The following ABCA12 variants were observed in gnomAD, a reference collection of about 807,000 sequenced individuals.
ABCA12 encodes the protein glucosylceramide transporter ABCA12.
ABCA12 carries 156 observed loss-of-function variants against 293.5 expected under a neutral mutation model. The observed-to-expected ratio is 0.53, with a 90% CI of 0.47 to 0.61. The LOEUF (loss-of-function observed/expected upper bound fraction) is 0.61. Among genes scored for constraint, ABCA12 ranks in the 20% least tolerant of loss-of-function variants. The probability of loss-of-function intolerance (pLI) is 0.00; values close to 1 mark genes in which losing one functional copy is unlikely to be tolerated. For synonymous variants in ABCA12, 1,063 were observed against 1,108.0 expected, an observed-to-expected ratio of 0.96 and a Z score of 0.81; for missense variants, 2,797 against 3,090.2, an observed-to-expected ratio of 0.91 and a Z score of 2.25.
At chr2:215,009,058 A>C (rs1011630054) in intron 18 of ABCA12, among the ~76,000 whole-genome samples, 1 of 152,200 alleles carries the variant, frequency 6.6e-6, no homozygotes, top group Non-Finnish European at 1.5e-5. Flanking sequence ...ACAACAGCAA[A>C]GACACTGAAT....
chr2:214,938,742 G>A (rs541953987), intron 50 of ABCA12, among the ~76,000 whole-genome samples: 38 of 152,248 alleles, frequency 2.5e-4, no homozygotes, highest in African/African-American at 8.7e-4. Flanking sequence ...ATGTTTGTTG[G>A]CAGCATAAAT....
At chr2:214,992,588 A>G (rs1255519260) in intron 23 of ABCA12, among the ~76,000 whole-genome samples, 2 of 131,350 alleles carry the variant, frequency 1.5e-5, no homozygotes, top group Non-Finnish European at 3.1e-5. Context: ...CTGGCCGGGC[A>G]CAGTGACTCA....
intron 39 of ABCA12, among the ~76,000 whole-genome samples, chr2:214,961,226 TC>T (rs1699103515): frequency 6.6e-6 from 1 of 152,094 alleles, no homozygotes; most frequent in African/African-American, 2.4e-5. Context: ...ACTTACCACT[TC>T]CGTAAGTCTA....
chr2:215,112,024 C>T (rs1335834902), intron 1 of ABCA12, among the ~76,000 whole-genome samples: 1 of 152,060 alleles, frequency 6.6e-6, no homozygotes, highest in African/African-American at 2.4e-5. Flanking sequence ...TAGAGTTTCC[C>T]ACTTCCCTAT....
chr2:215,043,027 A>G (rs1575005754), intron 7 of ABCA12, among the ~76,000 whole-genome samples: 1 of 151,996 alleles, frequency 6.6e-6, no homozygotes, highest in Admixed American at 6.6e-5. Flanking sequence ...TTACATTCCC[A>G]CCAAGAGTGT....
chr2:215,096,238 C>T (rs573869839), intron 2 of ABCA12, among the ~76,000 whole-genome samples: 178 of 152,268 alleles, frequency 1.2e-3, no homozygotes, highest in African/African-American at 4.1e-3. Flanking sequence ...TCTTATTTTA[C>T]TCCCCAACAA....
intron 50 of ABCA12, among the ~76,000 whole-genome samples, chr2:214,938,102 C>T (rs983555382): frequency 6.6e-6 from 1 of 151,998 alleles, no homozygotes; most frequent in Non-Finnish European, 1.5e-5. Context: ...CTATCCCTCC[C>T]CTAGCCCCCC....
chr2:215,109,141 C>T, intron 2 of ABCA12, among the ~76,000 whole-genome samples: 1 of 151,486 alleles, frequency 6.6e-6, no homozygotes, highest in Non-Finnish European at 1.5e-5. Flanking sequence ...CTCTATAGCA[C>T]CTCTGATTAC....
At chr2:215,043,574 TG>T (rs1272294073) in intron 7 of ABCA12, among the ~76,000 whole-genome samples, 2 of 117,370 alleles carry the variant, frequency 1.7e-5, no homozygotes, top group African/African-American at 1.7e-4. Context: ...GTGGAATTTT[TG>T]TTGTTGTTGT....
chr2:215,019,881 A>G (rs750710310), intron 11 of ABCA12, 85 bp from the exon 12 acceptor site: 3 of 1,516,752 alleles, frequency 2.0e-6, no homozygotes, highest in Non-Finnish European at 2.7e-6. Flanking sequence ...ACCACAATTG[A>G]TTTCCTTTAA....
chr2:214,942,076 G>C (rs544491564), intron 50 of ABCA12, among the ~76,000 whole-genome samples: 1 of 152,028 alleles, frequency 6.6e-6, no homozygotes, highest in Admixed American at 6.6e-5. Context: ...CAATACACTT[G>C]TAAAGTTAAA....
At chr2:214,952,816 A>G (rs770468696) in intron 44 of ABCA12, among the ~76,000 whole-genome samples, 4 of 152,204 alleles carry the variant, frequency 2.6e-5, no homozygotes, top group Non-Finnish European at 5.9e-5. Flanking sequence ...CTACTTTTTC[A>G]TTACATTTAT....
intron 1 of ABCA12, among the ~76,000 whole-genome samples, chr2:215,126,027 G>GT (rs1702913591): frequency 6.6e-6 from 1 of 152,114 alleles, no homozygotes. Context: ...TTTGTCAAAT[G>GT]TTTTTTCTGC....
intron 2 of ABCA12, among the ~76,000 whole-genome samples, chr2:215,095,187 G>A (rs1702225500): frequency 6.6e-6 from 1 of 152,034 alleles, no homozygotes; most frequent in Admixed American, 6.5e-5. Context: ...GAAGAGTGTT[G>A]TTTTTACCTA....
At chr2:215,129,388 G>T in intron 1 of ABCA12, among the ~76,000 whole-genome samples, 1 of 152,104 alleles carries the variant, frequency 6.6e-6, no homozygotes, top group Non-Finnish European at 1.5e-5. Context: ...GAGTTGCCGC[G>T]GGCTCCACTC....
At chr2:214,977,878 T>C (rs1227963335) in intron 33 of ABCA12, among the ~76,000 whole-genome samples, 3 of 115,558 alleles carry the variant, frequency 2.6e-5, no homozygotes, top group African/African-American at 3.0e-5. Context: ...TCCTTTTTTT[T>C]CCTTTTTTTT....
intron 50 of ABCA12, among the ~76,000 whole-genome samples, chr2:214,939,489 A>C (rs1001033860): frequency 6.6e-6 from 1 of 152,168 alleles, no homozygotes; most frequent in African/African-American, 2.4e-5. Flanking sequence ...AGTTTTTTCT[A>C]ATTCTGTGAA....
chr2:215,134,599 C>CTATA lies in ABCA12; in HGVS notation c.69+3537_69+3540dup, dbSNP rs1161603641. Among the ~76,000 whole-genome samples, 90 of 85,266 alleles carry CTATA rather than the reference C, an allele frequency of 1.1e-3. 3 individuals carry two copies. The highest frequency in any genetic ancestry group is 6.1e-3 in the African/African-American group (79 of 13,014). 55.9% of individuals were successfully genotyped at this position (85,266 alleles called of 152,430 possible). ...ATAATCTCTCTCTCTCTCTCTCTCT[C>CTATA]TATATATATATATATATAGAGAGAG... On this transcript the variant is annotated intron_variant, in intron 1 of 52. Transcript: ENST00000272895.
intron 24 of ABCA12, 79 bp downstream of exon 24, chr2:214,990,623 G>T: frequency 7.0e-7 from 1 of 1,436,566 alleles, no homozygotes; most frequent in South Asian, 1.2e-5. Context: ...TGAACTTTCA[G>T]TCTGAGAATC....
Sources: allele counts gnomAD v4.1 joint callset (sites outside exome capture counted in the v4.1 genomes callset), GRCh38; gene constraint gnomAD v4.1.1; transcripts MANE v1.5; gene names NCBI Gene and HGNC (gene_info 2026-07-23, HGNC 2026-07-21).